Variants in KALRN observed in about 807,000 individuals in gnomAD.
KALRN encodes the protein kalirin.
Under a neutral mutation model 353.7 loss-of-function variants are expected in KALRN, and 70 were observed. That is an observed-to-expected ratio of 0.20 (90% CI 0.16 to 0.24). The LOEUF (loss-of-function observed/expected upper bound fraction) is 0.24, where lower values mean the gene tolerates loss of function less well. Among genes scored for constraint, KALRN ranks in the 10% least tolerant of loss-of-function variants. The probability of loss-of-function intolerance (pLI) is 1.00; values close to 1 mark genes in which losing one functional copy is unlikely to be tolerated. For missense variants in KALRN, 2,791 were observed against 3,756.7 expected (o/e 0.74, Z 6.72); for synonymous variants, 1,391 against 1,434.8 (o/e 0.97, Z 0.69).
At chr3:124,231,608 G>T (rs982450418) in intron 2 of KALRN, among the ~76,000 whole-genome samples, 29 of 152,150 alleles carry the variant, frequency 1.9e-4, no homozygotes, top group African/African-American at 7.0e-4. Context: ...AAAGAAGTTT[G>T]GGAAATGCTG....
chr3:124,553,055 C>T (rs557741289), intron 33 of KALRN, among the ~76,000 whole-genome samples: 38 of 152,210 alleles, frequency 2.5e-4, no homozygotes, highest in Admixed American at 1.2e-3. Flanking sequence ...CGTGAGCCAC[C>T]GCGCCCAGCC....
At chr3:124,210,172 G>C (rs983309677) in intron 1 of KALRN, among the ~76,000 whole-genome samples, 17 of 152,236 alleles carry the variant, frequency 1.1e-4, no homozygotes, top group African/African-American at 4.1e-4. Context: ...ATTTCACAGG[G>C]TTGTTTTAGA....
chr3:124,156,336 TA>T (rs2068989930), intron 1 of KALRN, among the ~76,000 whole-genome samples: 1 of 152,240 alleles, frequency 6.6e-6, no homozygotes, highest in Non-Finnish European at 1.5e-5. Context: ...TGCAGTTGAA[TA>T]CCTTCTGTAT....
intron 10 of KALRN, among the ~76,000 whole-genome samples, chr3:124,358,629 T>C (rs1017161775): frequency 6.6e-6 from 1 of 152,216 alleles, no homozygotes; most frequent in Non-Finnish European, 1.5e-5. Flanking sequence ...GAAATGGCCT[T>C]AATAACAACA....
chr3:124,382,565 T>G (rs1444687440), intron 10 of KALRN, among the ~76,000 whole-genome samples: 1 of 152,222 alleles, frequency 6.6e-6, no homozygotes, highest in Non-Finnish European at 1.5e-5. Flanking sequence ...ATTGATCACC[T>G]TACGTGTGGT....
intron 5 of KALRN, among the ~76,000 whole-genome samples, chr3:124,279,371 T>C (rs536463153): frequency 2.2e-4 from 33 of 152,296 alleles, no homozygotes; most frequent in African/African-American, 7.9e-4. Context: ...ATTCAGCACA[T>C]GGAACAAATG....
intron 1 of KALRN, among the ~76,000 whole-genome samples, chr3:124,062,182 A>G (rs139319490): frequency 1.4e-4 from 22 of 152,314 alleles, no homozygotes; most frequent in Middle Eastern, 3.4e-3. Flanking sequence ...TTTGTCACTT[A>G]GGTTAAACAT....
chr3:124,666,795 A>G (rs555341095), intron 46 of KALRN, among the ~76,000 whole-genome samples, 161 bp downstream of exon 46: 1 of 152,298 alleles, frequency 6.6e-6, no homozygotes, highest in South Asian at 2.1e-4. Flanking sequence ...ATTATCTGTG[A>G]GCTGAAGTGA....
intron 6 of KALRN, among the ~76,000 whole-genome samples, chr3:124,307,936 G>A (rs2077867385): frequency 6.6e-6 from 1 of 151,840 alleles, no homozygotes; most frequent in Admixed American, 6.6e-5. Flanking sequence ...TGGATTCAAA[G>A]ATATAAATAG....
At chr3:124,470,498 C>A (rs1449772420) in intron 25 of KALRN, among the ~76,000 whole-genome samples, 1 of 150,956 alleles carries the variant, frequency 6.6e-6, no homozygotes, top group African/African-American at 2.4e-5. Context: ...TCAAACTTAT[C>A]AATTGGTATG....
intron 6 of KALRN, among the ~76,000 whole-genome samples, chr3:124,318,108 T>C (rs1259495365): frequency 6.6e-6 from 1 of 152,222 alleles, no homozygotes; most frequent in Non-Finnish European, 1.5e-5. Flanking sequence ...TAATGGTTTG[T>C]AAAGCAATTG....
At chr3:124,120,707 TAA>T (rs1215877403) in intron 1 of KALRN, among the ~76,000 whole-genome samples, 948 of 64,172 alleles carry the variant, frequency 0.015, 29 homozygotes, top group African/African-American at 0.034. Flanking sequence ...ATAGGAATAC[TAA>T]AAATATATAT....
chr3:124,221,845 T>C (rs9843963), intron 1 of KALRN, among the ~76,000 whole-genome samples: 26,159 of 152,140 alleles, frequency 0.17, 3,599 homozygotes, highest in East Asian at 0.74. Flanking sequence ...AAATGGACAC[T>C]CGGTATTTTA....
intron 10 of KALRN, among the ~76,000 whole-genome samples, chr3:124,351,371 A>G (rs2082815544): frequency 6.6e-6 from 1 of 152,208 alleles, no homozygotes; most frequent in African/African-American, 2.4e-5. Context: ...CTAAAGGATC[A>G]TGATTCTGTG....
At chr3:124,429,811 A>G (rs1263617903) in intron 15 of KALRN, among the ~76,000 whole-genome samples, 2 of 152,218 alleles carry the variant, frequency 1.3e-5, no homozygotes, top group East Asian at 3.8e-4. Flanking sequence ...CAATTATATT[A>G]TAGCTTACTC....
chr3:124,363,201 A>T (rs1378293258), intron 10 of KALRN, among the ~76,000 whole-genome samples: 2 of 152,224 alleles, frequency 1.3e-5, no homozygotes, highest in Admixed American at 6.5e-5. Flanking sequence ...TGGACTAAGG[A>T]TAATTTCCTA....
At chr3:124,548,666 T>A (rs1289787694) in intron 33 of KALRN, among the ~76,000 whole-genome samples, 2 of 152,228 alleles carry the variant, frequency 1.3e-5, no homozygotes, top group Non-Finnish European at 2.9e-5. Flanking sequence ...TGTTTTATTT[T>A]GTTTGAGATG....
At chr3:124,365,708 C>G (rs1256775966) in intron 10 of KALRN, among the ~76,000 whole-genome samples, 2 of 152,224 alleles carry the variant, frequency 1.3e-5, no homozygotes, top group Admixed American at 6.5e-5. Flanking sequence ...GCATTTAAAT[C>G]TATATTAGCT....
Position 124,503,479 on chromosome 3 carries a change from T to C in KALRN, c.4935+7066T>C, listed in dbSNP as rs186421916. 3.6e-4 allele frequency among the ~76,000 whole-genome samples: 55 copies of C among 152,186 alleles called. No homozygotes were observed. The East Asian group carries it at 7.9e-3, about 22-fold the overall frequency. On this transcript the variant is annotated intron_variant, in intron 33 of 59. Coordinates refer to ENST00000682506, the MANE Select transcript of KALRN (RefSeq NM_001388419.1). ...TTTTTTTTTTAGCTTTCTTAATAAT[T>C]CAAGTCCAGAGCTAGGTTTGAAAAT...
Sources: allele counts gnomAD v4.1 joint callset (sites outside exome capture counted in the v4.1 genomes callset), GRCh38; gene constraint gnomAD v4.1.1; transcripts MANE v1.5; gene names NCBI Gene and HGNC (gene_info 2026-07-23, HGNC 2026-07-21).